The following KIRREL3 variants were observed in gnomAD, a reference collection of about 807,000 sequenced individuals.
KIRREL3 encodes kin of IRRE-like protein 3.
Under a neutral mutation model 89.7 loss-of-function variants are expected in KIRREL3, and 36 were observed. The ratio of observed to expected loss-of-function variants is 0.40; its 90% CI spans 0.31 to 0.53. The LOEUF (loss-of-function observed/expected upper bound fraction) is 0.53. Among genes scored for constraint, KIRREL3 ranks in the 20% least tolerant of loss-of-function variants. The pLI, the probability that KIRREL3 is intolerant of heterozygous loss-of-function variation, is 0.49. For missense variants in KIRREL3, 864 were observed against 1,056.6 expected (o/e 0.82, Z 2.53); for synonymous variants, 445 against 441.4 (o/e 1.01, Z -0.10).
In KIRREL3 at chr11:126,522,027, A is replaced by G. The variant is rs1169701874; in HGVS notation, c.284-563T>C. ...CCAAAGTTCTGGGATTATAGGCATG[A>G]GCCACCATGCCCGGCCATGTAAGGG... is the stretch of plus-strand genomic sequence containing the variant. On this transcript the variant is annotated intron_variant, in intron 3 of 16. Coordinates refer to ENST00000525144, the MANE Select transcript of KIRREL3 (RefSeq NM_032531.4). The surrounding 1 kb of genome is among the most constrained non-coding windows in gnomAD (Gnocchi z 6.0). Among the ~76,000 whole-genome samples, 1 of 152,124 alleles carries G rather than the reference A, an allele frequency of 6.6e-6. No homozygotes were observed. Among genetic ancestry groups the G allele is most frequent in the Non-Finnish European group, 1.5e-5 (1 of 68,022 alleles).
At chr11:126,949,918 CA>C (rs1437698107) in intron 1 of KIRREL3, among the ~76,000 whole-genome samples, 1 of 152,176 alleles carries the variant, frequency 6.6e-6, no homozygotes, top group Non-Finnish European at 1.5e-5. Flanking sequence ...ACATTAAAAC[CA>C]AAATAAATAA....
At chr11:126,880,637 G>T (rs867721186) in intron 1 of KIRREL3, among the ~76,000 whole-genome samples, 72 of 142,886 alleles carry the variant, frequency 5.0e-4, no homozygotes, top group Non-Finnish European at 6.9e-4. Flanking sequence ...AAAAGTTGTG[G>T]TTTTTTTTTT....
chr11:126,993,507 T>A lies in KIRREL3; in HGVS notation c.55+6948A>T, dbSNP rs1486033160. On this transcript the variant is annotated intron_variant, in intron 1 of 16. Coordinates refer to ENST00000525144, the MANE Select transcript of KIRREL3 (RefSeq NM_032531.4). This position sits in a 1 kb window ranked among gnomAD's most constrained non-coding sequence, Gnocchi z 6.1. The stretch of plus-strand genomic sequence containing the variant: ...ATCTCCTCTGTGCAACCTTTTCTGA[T>A]GCCTTTGCTGATCCACCTGTTTTCA... Among the ~76,000 whole-genome samples, 1 of 152,246 alleles carries A rather than the reference T, an allele frequency of 6.6e-6. No homozygotes were observed. The highest frequency in any genetic ancestry group is 1.5e-5 in the Non-Finnish European group (1 of 68,032).
rs1941142975 is a variant in KIRREL3, at chr11:126,574,410, G to C, written c.56-11498C>G. ...CTTTCAGCAGTGAGTGGGCAAAGGA[G>C]AGCATGATGGCTTTGAGTATGGAAT... is the stretch of plus-strand genomic sequence containing the variant. On this transcript the variant is annotated intron_variant, in intron 1 of 16. Transcript: ENST00000525144. The surrounding 1 kb of genome is among the most constrained non-coding windows in gnomAD (Gnocchi z 5.3). Among the ~76,000 whole-genome samples the C allele has an allele frequency of 6.6e-6, 1 of 152,200 alleles. No homozygotes were observed. The highest frequency in any genetic ancestry group is 2.4e-5 in the African/African-American group (1 of 41,450).
intron 1 of KIRREL3, among the ~76,000 whole-genome samples, chr11:126,871,471 G>C (rs1945106587): frequency 6.6e-6 from 1 of 152,156 alleles, no homozygotes; most frequent in Non-Finnish European, 1.5e-5. Context: ...CACAGAGTTT[G>C]AAAAACCACA....
chr11:126,451,322 G>A (rs1280964591), intron 7 of KIRREL3, among the ~76,000 whole-genome samples: 1 of 143,094 alleles, frequency 7.0e-6, no homozygotes, highest in Non-Finnish European at 1.5e-5. Context: ...ATGTGGTTGT[G>A]TGCATTAGTG....
chr11:126,885,480 A>C (rs1455886039), intron 1 of KIRREL3, among the ~76,000 whole-genome samples: 1 of 152,234 alleles, frequency 6.6e-6, no homozygotes, highest in Middle Eastern at 3.2e-3. Context: ...ATAATCCTGG[A>C]ATCCCAGCAT....
Position 127,000,399 on chromosome 11 carries a change from C to T in KIRREL3, c.55+56G>A, listed in dbSNP as rs550486027. 56 of 1,496,734 alleles carry T rather than the reference C, an allele frequency of 3.7e-5. No individual in the cohort carries two copies. The East Asian group carries it at 1.0e-3, about 27-fold the overall frequency. The allele number at this position is 1,496,734 out of a possible 1,614,324, so 92.7% of individuals were successfully genotyped here. A position where few individuals can be genotyped will look rare whatever the true frequency, so the allele number is the denominator to read the frequency against. ...GCCCACGTTCCTGCCCACAGCCTCC[C>T]GCGCCCTGACAACCCAGCCGACTTT... On this transcript the variant is annotated intron_variant, in intron 1 of 16. Transcript: ENST00000525144. The surrounding 1 kb of genome is among the most constrained non-coding windows in gnomAD (Gnocchi z 7.1).
intron 1 of KIRREL3, among the ~76,000 whole-genome samples, chr11:126,792,371 T>G (rs1950672176): frequency 6.6e-6 from 1 of 152,200 alleles, no homozygotes; most frequent in African/African-American, 2.4e-5. Context: ...ATTTTTCAGT[T>G]GAGAAAATGG....
intron 1 of KIRREL3, among the ~76,000 whole-genome samples, chr11:126,880,134 G>C (rs557697225): frequency 6.6e-6 from 1 of 152,170 alleles, no homozygotes; most frequent in Non-Finnish European, 1.5e-5. Context: ...TCCTGGAAAG[G>C]CTTTGCCTAT....
At chr11:126,657,277 T>C (rs1174576459) in intron 1 of KIRREL3, among the ~76,000 whole-genome samples, 1 of 149,734 alleles carries the variant, frequency 6.7e-6, no homozygotes, top group Non-Finnish European at 1.5e-5. Context: ...AATAAATAAA[T>C]AAATCTTCAT....
rs368701827 is a variant in KIRREL3 at position 126,883,821 on chromosome 11, A to G, written c.55+116634T>C. Among the ~76,000 whole-genome samples the G allele has an allele frequency of 2.0e-5, 3 of 152,330 alleles. No homozygotes were observed. The highest frequency in any genetic ancestry group is 2.1e-4 in the South Asian group (1 of 4,830). ...AAGATCCAATGTTAGAAAGTATGTT[A>G]TATTAAAAAATGGCCATCCTATATT... is the stretch of plus-strand genomic sequence containing the variant. On this transcript the variant is annotated intron_variant, in intron 1 of 16. Coordinates refer to ENST00000525144, the MANE Select transcript of KIRREL3 (RefSeq NM_032531.4). The surrounding 1 kb of genome is among the most constrained non-coding windows in gnomAD (Gnocchi z 4.1).
At chr11:126,657,559 C>T (rs529847718) in intron 1 of KIRREL3, among the ~76,000 whole-genome samples, 2 of 152,258 alleles carry the variant, frequency 1.3e-5, no homozygotes, top group Admixed American at 6.5e-5. Flanking sequence ...CTCTTCTCAC[C>T]CAGTGTGGGG....
chr11:126,968,653 A>G (rs1043492736), intron 1 of KIRREL3, among the ~76,000 whole-genome samples: 2 of 152,234 alleles, frequency 1.3e-5, no homozygotes, highest in African/African-American at 4.8e-5. Flanking sequence ...AAATGTGCTC[A>G]GCTCCTCCTG....
Position 126,696,760 on chromosome 11 carries a change from C to T in KIRREL3, c.56-133848G>A, listed in dbSNP as rs983226271. Among the ~76,000 whole-genome samples the T allele has an allele frequency of 2.6e-5, 4 of 152,126 alleles. No individual in the cohort carries two copies. The highest frequency in any genetic ancestry group is 9.7e-5 in the African/African-American group (4 of 41,426). On this transcript the variant is annotated intron_variant, in intron 1 of 16. Coordinates refer to ENST00000525144, the MANE Select transcript of KIRREL3 (RefSeq NM_032531.4). This position sits in a 1 kb window ranked among gnomAD's most constrained non-coding sequence, Gnocchi z 4.4. ...CTGCAGGCACCGCCAGTGGACACAC[C>T]GAACACCCCTCTTGTCCAAACACAC...
Position 126,901,169 on chromosome 11 carries a change from G to A in KIRREL3, c.55+99286C>T, listed in dbSNP as rs552356346. Among the ~76,000 whole-genome samples the A allele has an allele frequency of 1.2e-4, 16 of 137,444 alleles. No homozygotes were observed. In the East Asian group the frequency reaches 2.1e-3, roughly 18 times the overall value. The allele number at this position is 137,444 out of a possible 152,430, so 90.2% of individuals were successfully genotyped here. A position where few individuals can be genotyped will look rare whatever the true frequency, so the allele number is the denominator to read the frequency against. On this transcript the variant is annotated intron_variant, in intron 1 of 16. Coordinates refer to ENST00000525144, the MANE Select transcript of KIRREL3 (RefSeq NM_032531.4). The stretch of plus-strand genomic sequence containing the variant: ...GCAGAGGTTGCAGTGAGCTGAGATC[G>A]CACCATTGCATTTCAGCCTGGGTAA...
Position 126,890,979 on chromosome 11 carries a change from C to T in KIRREL3, c.55+109476G>A, listed in dbSNP as rs1945897119. ...TTGGTTCATTACATTTCTGAGCCCA[C>T]TCTGCTGCCTTTATTTAATGAGGTT... On this transcript the variant is annotated intron_variant, in intron 1 of 16. Coordinates refer to ENST00000525144, the MANE Select transcript of KIRREL3 (RefSeq NM_032531.4). This position sits in a 1 kb window ranked among gnomAD's most constrained non-coding sequence, Gnocchi z 5.1. Among the ~76,000 whole-genome samples the T allele has an allele frequency of 6.6e-6, 1 of 152,210 alleles. No homozygotes were observed. The highest frequency in any genetic ancestry group is 1.5e-5 in the Non-Finnish European group (1 of 68,046).
At chr11:126,730,788 G>A (rs908674013) in intron 1 of KIRREL3, among the ~76,000 whole-genome samples, 3 of 152,024 alleles carry the variant, frequency 2.0e-5, no homozygotes, top group African/African-American at 7.2e-5. Flanking sequence ...ACCCAGGCTG[G>A]AGTGCAGTGG....
chr11:126,580,535 C>T (rs372426486), intron 1 of KIRREL3, among the ~76,000 whole-genome samples: 6 of 152,274 alleles, frequency 3.9e-5, no homozygotes, highest in East Asian at 3.9e-4. Flanking sequence ...GGAGGCATAC[C>T]GTGGAGGGCT....
Sources: gnomAD v4.1 joint callset for allele counts (sites outside exome capture counted in the v4.1 genomes callset) on GRCh38, gnomAD v4.1.1 for gene constraint, Gnocchi (gnomAD v3.1) non-coding constraint, MANE v1.5 for transcripts, NCBI Gene and HGNC (gene_info 2026-07-23, HGNC 2026-07-21) for gene names.